REV3L: variants seen among roughly 807,000 people sequenced by gnomAD.
REV3L encodes REV3 like, DNA directed polymerase zeta catalytic subunit.
In REV3L, 69 loss-of-function variants were observed where a neutral mutation model predicts 299.4. The ratio of observed to expected loss-of-function variants is 0.23; its 90% CI spans 0.19 to 0.28. The LOEUF is 0.28. Among genes scored for constraint, REV3L ranks in the 10% least tolerant of loss-of-function variants. The probability of loss-of-function intolerance (pLI) is 1.00; values close to 1 mark genes in which losing one functional copy is unlikely to be tolerated. For missense variants in REV3L, 3,128 were observed against 3,693.8 expected (o/e 0.85, Z 3.97); for synonymous variants, 1,238 against 1,271.4 (o/e 0.97, Z 0.56).
At position 111,367,666 on chromosome 6, in the gene REV3L, A is replaced by C. The variant is rs746250878; in HGVS notation, c.6122T>G (p.Val2041Gly). The C allele has an allele frequency of 4.3e-6, 7 of 1,614,174 alleles. No individual in the cohort carries two copies. The South Asian group carries it at 7.7e-5, about 18-fold the overall frequency. ...VKSAENFSSS[V>G]NPDDKPVVPP... ...CACTACAGGTTTGTCATCTGGGTTA[A>C]CTGAAGAGCTAAAGTTCTCAGCAGA... The change falls in exon 14 of 32, where the codon GTT becomes GGT. Residue 2041 changes from valine to glycine, a missense_variant. Val to Gly is a moderately radical substitution (Grantham distance 109). Around this residue, in one of 9 missense-constraint regions of REV3L, gnomAD observed 2,409 missense variants for 2,611.8 expected, o/e 0.92. Transcript: ENST00000368802.
chr6:111,405,687 A>C (rs933881019), intron 3 of REV3L, 57 bp from the exon 4 acceptor site: 4 of 1,182,186 alleles, frequency 3.4e-6, no homozygotes, highest in South Asian at 1.4e-5. Flanking sequence ...ATGTTAAATG[A>C]AACAATGATT....
rs188490022 is a variant in REV3L, at chr6:111,318,961, G to A, written c.8352-3580C>T. Among the ~76,000 whole-genome samples, 8 of 152,230 alleles carry A rather than the reference G, an allele frequency of 5.3e-5. No individual in the cohort carries two copies. The East Asian group carries it at 1.4e-3, about 26-fold the overall frequency. Reference sequence around the variant, plus strand: ...AAAATCAGATAAGTGGTTGTCTAGGGCATGGAGTGAGGGCGAGGGATTCAC... The same window carrying A: ...AAAATCAGATAAGTGGTTGTCTAGGACATGGAGTGAGGGCGAGGGATTCAC... On this transcript the variant is annotated intron_variant, in intron 26 of 31. Coordinates refer to ENST00000368802, the MANE Select transcript of REV3L (RefSeq NM_001372078.1).
At chr6:111,479,612 C>T (rs1037303446) in intron 1 of REV3L, among the ~76,000 whole-genome samples, 1 of 149,428 alleles carries the variant, frequency 6.7e-6, no homozygotes, top group African/African-American at 2.4e-5. Context: ...TGGGCTGAAG[C>T]GATTCTCCTG....
chr6:111,418,345 A>T (rs1038908453), intron 1 of REV3L, among the ~76,000 whole-genome samples: 9 of 152,352 alleles, frequency 5.9e-5, no homozygotes, highest in Admixed American at 1.3e-4. Flanking sequence ...CAATTACAAA[A>T]TTGGACTGTA....
At position 111,363,869 on chromosome 6, in the gene REV3L, G is replaced by C. The variant is rs775182139; in HGVS notation, c.6863C>G (p.Ala2288Gly). 6.2e-7 allele frequency: 1 copy of C among 1,613,044 alleles called. No individual in the cohort carries two copies. Among genetic ancestry groups the C allele is most frequent in the Non-Finnish European group, 8.5e-7 (1 of 1,179,554 alleles). ...CAGTTTTACCTCATGTAAAGCTTTT[G>C]CCTCCTGTAAGTTTTGTATGCTGAC... Reference protein sequence around the residue: ...FKVSIQNLQEAKALHEIQNLT... With the variant: ...FKVSIQNLQEGKALHEIQNLT... The change falls in exon 16 of 32, where the codon GCA (alanine) becomes GGA (glycine). Residue 2288 changes from alanine to glycine, a missense_variant. This residue lies in a region of REV3L where 2,409 missense variants were observed against 2,611.8 expected (regional missense o/e 0.92). Coordinates refer to ENST00000368802, the MANE Select transcript of REV3L (RefSeq NM_001372078.1).
At chr6:111,304,601 G>C (rs1316672572) in intron 31 of REV3L, among the ~76,000 whole-genome samples, 1 of 150,796 alleles carries the variant, frequency 6.6e-6, no homozygotes, top group Non-Finnish European at 1.5e-5. Context: ...TTTATAAATA[G>C]CATCGCTTTT....
Position 111,472,167 on chromosome 6 carries a change from T to C in REV3L, c.139+10583A>G, listed in dbSNP as rs767850238. The C allele has an allele frequency of 3.8e-5, 48 of 1,261,766 alleles. No homozygotes were observed. In the Middle Eastern group the frequency reaches 6.6e-4, roughly 17 times the overall value. 78.2% of individuals were successfully genotyped at this position (1,261,766 alleles called of 1,614,324 possible). On this transcript the variant is annotated intron_variant, in intron 1 of 31. Coordinates refer to ENST00000368802, the MANE Select transcript of REV3L (RefSeq NM_001372078.1). The stretch of plus-strand genomic sequence containing the variant: ...TGAAATGAAATTTAGATTAGTCATT[T>C]TCTTGTTCTGAGAAACTGCGAGTAT...
intron 31 of REV3L, among the ~76,000 whole-genome samples, chr6:111,302,402 T>C (rs1326371359): frequency 6.6e-6 from 1 of 152,206 alleles, no homozygotes; most frequent in Non-Finnish European, 1.5e-5. Flanking sequence ...ATGGAATTAC[T>C]TGACTCACTA....
chr6:111,458,713 A>G (rs1332446141), intron 1 of REV3L, among the ~76,000 whole-genome samples: 1 of 152,144 alleles, frequency 6.6e-6, no homozygotes, highest in East Asian at 1.9e-4. Context: ...ATACCTAGGA[A>G]TACATCTAAT....
chr6:111,474,403 G>A (rs892115658), intron 1 of REV3L, among the ~76,000 whole-genome samples: 3 of 152,256 alleles, frequency 2.0e-5, no homozygotes, highest in African/African-American at 7.2e-5. Flanking sequence ...TGTTCCTTCG[G>A]CACCGTGAAT....
At chr6:111,324,111 T>C (rs984152908) in intron 25 of REV3L, among the ~76,000 whole-genome samples, 1 of 152,180 alleles carries the variant, frequency 6.6e-6, no homozygotes, top group Admixed American at 6.5e-5. Context: ...GCAATTCTCG[T>C]GCTTCAGTCT....
intron 1 of REV3L, 72 bp downstream of exon 1, chr6:111,482,678 G>T: frequency 1.0e-6 from 1 of 996,838 alleles, no homozygotes; most frequent in Non-Finnish European, 1.2e-6. Context: ...GTGTGCGCGT[G>T]TGCGCGGCGG....
intron 1 of REV3L, among the ~76,000 whole-genome samples, chr6:111,458,160 T>A (rs1480291046): frequency 6.6e-6 from 1 of 151,998 alleles, no homozygotes; most frequent in African/African-American, 2.4e-5. Context: ...TCACTGTGAT[T>A]CACCACATAA....
chr6:111,337,305 A>G (rs1228479214), intron 21 of REV3L, among the ~76,000 whole-genome samples: 12 of 152,234 alleles, frequency 7.9e-5, no homozygotes, highest in Non-Finnish European at 1.0e-4. Flanking sequence ...CAAACATGAA[A>G]GAATCCTAAA....
At chr6:111,423,160 T>C (rs1467097173) in intron 1 of REV3L, among the ~76,000 whole-genome samples, 3 of 152,176 alleles carry the variant, frequency 2.0e-5, no homozygotes, top group Non-Finnish European at 4.4e-5. Context: ...ACTAACTTCA[T>C]GACTATAAAG....
intron 31 of REV3L, among the ~76,000 whole-genome samples, chr6:111,302,810 G>A (rs1007953736): frequency 6.6e-6 from 1 of 152,156 alleles, no homozygotes; most frequent in African/African-American, 2.4e-5. Flanking sequence ...GCTGAGGCAG[G>A]AGAATTGCTT....
chr6:111,423,125 A>AC (rs11454226), intron 1 of REV3L, among the ~76,000 whole-genome samples: 8,515 of 152,248 alleles, frequency 0.056, 274 homozygotes, highest in Middle Eastern at 0.085. Flanking sequence ...TTGGTGCTAA[A>AC]CCATAGGCTG....
chr6:111,305,469 C>T (rs118071464), intron 31 of REV3L, among the ~76,000 whole-genome samples: 15,256 of 151,910 alleles, frequency 0.1, 1,011 homozygotes, highest in Middle Eastern at 0.18. Flanking sequence ...TGCCTGTAGT[C>T]CCAGCTACAT....
intron 31 of REV3L, among the ~76,000 whole-genome samples, chr6:111,303,510 G>A (rs1013328300): frequency 7.3e-5 from 11 of 151,332 alleles, no homozygotes; most frequent in African/African-American, 2.7e-4. Flanking sequence ...GGGATTATAG[G>A]TGCCTGCCAC....
Sources: allele counts gnomAD v4.1 joint callset (sites outside exome capture counted in the v4.1 genomes callset), GRCh38; gene constraint gnomAD v4.1.1; regional missense constraint gnomAD v4.1.1; transcripts MANE v1.5; gene names NCBI Gene and HGNC (gene_info 2026-07-23, HGNC 2026-07-21).